MSH3: variants seen among roughly 807,000 people sequenced by gnomAD.
MSH3 encodes mutS homolog 3.
In MSH3, 106 loss-of-function variants were observed where a neutral mutation model predicts 123.3. The observed-to-expected ratio is 0.86, with a 90% confidence interval of 0.73 to 1.01. The LOEUF (loss-of-function observed/expected upper bound fraction) is 1.01. MSH3 is among the 50% of genes least tolerant of loss of function. The pLI, the probability that MSH3 is intolerant of heterozygous loss-of-function variation, is 0.00. For synonymous variants in MSH3, 515 were observed against 481.4 expected, an observed-to-expected ratio of 1.07 and a Z score of -0.91; for missense variants, 1,459 against 1,347.6, an observed-to-expected ratio of 1.08 and a Z score of -1.29.
At chr5:80,791,249 A>T (rs1017704370) in intron 18 of MSH3, among the ~76,000 whole-genome samples, 1 of 152,232 alleles carries the variant, frequency 6.6e-6, no homozygotes, top group African/African-American at 2.4e-5. Context: ...TGGTGTTGAT[A>T]AGTCAAAAAA....
At chr5:80,773,211 C>T (rs975397782) in intron 15 of MSH3, among the ~76,000 whole-genome samples, 1 of 152,142 alleles carries the variant, frequency 6.6e-6, no homozygotes, top group Non-Finnish European at 1.5e-5. Flanking sequence ...TGCTGTTTGC[C>T]TTTAGCATAG....
intron 8 of MSH3, among the ~76,000 whole-genome samples, chr5:80,705,643 C>G (rs1750704527): frequency 1.3e-5 from 2 of 152,164 alleles, no homozygotes; most frequent in Admixed American, 6.5e-5. Flanking sequence ...TTTCATAGTT[C>G]TGGAGGATAG....
intron 11 of MSH3, among the ~76,000 whole-genome samples, chr5:80,742,461 A>G (rs1254475242): frequency 6.6e-6 from 1 of 152,264 alleles, no homozygotes; most frequent in Non-Finnish European, 1.5e-5. Flanking sequence ...ACAAAGTAAT[A>G]GAGATAAAAA....
Position 80,808,867 on chromosome 5 carries a change from A to ATATATATCTATATATATATCTATATC in MSH3, c.2656-4710_2656-4709insCTATATATATATCTATATCTATATAT, listed in dbSNP as rs1219139577. Among the ~76,000 whole-genome samples, 13 of 124,250 alleles carry ATATATATCTATATATATATCTATATC rather than the reference A, an allele frequency of 1.0e-4. 1 individual carries two copies. In the South Asian group the frequency reaches 1.3e-3, roughly 12 times the overall value. 81.5% of individuals were successfully genotyped at this position (124,250 alleles called of 152,430 possible). Reference sequence around the variant, plus strand: ...GGTAATATATCTTCTTCATATATATATATATATATATATATACACAATCTA... The same window carrying ATATATATCTATATATATATCTATATC: ...GGTAATATATCTTCTTCATATATATATATATATCTATATATATATCTATATCTATATATATATATATACACAATCTA... On this transcript the variant is annotated intron_variant, in intron 19 of 23. Transcript: ENST00000265081.
At chr5:80,773,429 A>G (rs1744245951) in intron 15 of MSH3, among the ~76,000 whole-genome samples, 1 of 152,200 alleles carries the variant, frequency 6.6e-6, no homozygotes, top group South Asian at 2.1e-4. Flanking sequence ...GGCAGATTTG[A>G]AACTGTAGTA....
chr5:80,680,737 C>G (rs1749954787), intron 8 of MSH3, among the ~76,000 whole-genome samples: 1 of 152,122 alleles, frequency 6.6e-6, no homozygotes, highest in Non-Finnish European at 1.5e-5. Flanking sequence ...ACTCCCTCCC[C>G]TTTTCTCTCT....
intron 19 of MSH3, among the ~76,000 whole-genome samples, chr5:80,805,722 G>A (rs987619309): frequency 6.6e-6 from 1 of 151,154 alleles, no homozygotes; most frequent in Non-Finnish European, 1.5e-5. Context: ...AGCCTCCTGA[G>A]TAGCTGGAAC....
At chr5:80,678,832 G>A in intron 7 of MSH3, 95 bp from the exon 8 acceptor site, 1 of 1,368,280 alleles carries the variant, frequency 7.3e-7, no homozygotes, top group Non-Finnish European at 1.0e-6. Flanking sequence ...ACTCCTGAGT[G>A]TATCATCTTT....
intron 6 of MSH3, among the ~76,000 whole-genome samples, chr5:80,674,425 T>C (rs1264186275): frequency 2.6e-5 from 4 of 152,222 alleles, no homozygotes; most frequent in African/African-American, 9.7e-5. Flanking sequence ...AGGAAAATAA[T>C]TTACACCCTT....
intron 8 of MSH3, among the ~76,000 whole-genome samples, chr5:80,699,863 T>C (rs1750569710): frequency 6.6e-6 from 1 of 152,196 alleles, no homozygotes; most frequent in African/African-American, 2.4e-5. Flanking sequence ...AGATTGATAT[T>C]GATGATAACT....
At position 80,677,899 on chromosome 5, in the gene MSH3, C is replaced by T. The variant is rs149204943; in HGVS notation, c.1174-1028C>T. Reference sequence around the variant, plus strand: ...ATTCATTCCTGTTGATGGACATGTGCATTCTTTCTAGTTTACAGTTGTACA... The same window carrying T: ...ATTCATTCCTGTTGATGGACATGTGTATTCTTTCTAGTTTACAGTTGTACA... On this transcript the variant is annotated intron_variant, in intron 7 of 23. Transcript: ENST00000265081. Among the ~76,000 whole-genome samples, 5 of 152,258 alleles carry T rather than the reference C, an allele frequency of 3.3e-5. No individual in the cohort carries two copies. In the East Asian group the frequency reaches 9.6e-4, roughly 29 times the overall value.
intron 4 of MSH3, 39 bp downstream of exon 4, chr5:80,670,348 G>A: frequency 6.3e-7 from 1 of 1,580,612 alleles, no homozygotes; most frequent in South Asian, 1.1e-5. Context: ...TATTTTTCTT[G>A]TCTAGCCTTA....
Position 80,854,230 on chromosome 5 carries a change from G to A in MSH3, c.2914G>A (p.Val972Ile), listed in dbSNP as rs2112106493. ...CAGAAAAGCAACATCACAGTCCTTGGTTATCTTGGATGAACTAGGAAGAGG... is the reference window on the plus strand; with the variant it reads ...CAGAAAAGCAACATCACAGTCCTTGATTATCTTGGATGAACTAGGAAGAGG... ...IIRKATSQSL[V>I]ILDELGRGTS... The change falls in exon 21 of 24, where the codon GTT becomes ATT. Residue 972 changes from valine to isoleucine, a missense_variant. Physicochemically the swap from Val to Ile is conservative, Grantham distance 29. Transcript: ENST00000265081. 1 of 1,613,856 alleles carries A rather than the reference G, an allele frequency of 6.2e-7. No homozygotes were observed. Among genetic ancestry groups the A allele is most frequent in the Non-Finnish European group, 8.5e-7 (1 of 1,179,824 alleles).
chr5:80,875,695 G>T, intron 23 of MSH3, 56 bp from the exon 24 acceptor site: 1 of 1,007,258 alleles, frequency 9.9e-7, no homozygotes, highest in Non-Finnish European at 1.6e-6. Flanking sequence ...CTGATGAGAC[G>T]TATTGTCTCC....
intron 6 of MSH3, among the ~76,000 whole-genome samples, chr5:80,673,071 G>T (rs967606333): frequency 6.6e-6 from 1 of 152,104 alleles, no homozygotes; most frequent in Non-Finnish European, 1.5e-5. Flanking sequence ...TAGAAGGCAA[G>T]TTCATCATAC....
intron 20 of MSH3, among the ~76,000 whole-genome samples, chr5:80,829,673 T>C (rs1745385205): frequency 6.6e-6 from 1 of 152,210 alleles, no homozygotes; most frequent in African/African-American, 2.4e-5. Flanking sequence ...TCTATGTTCA[T>C]GAGAGATATT....
At chr5:80,697,229 C>G (rs990874481) in intron 8 of MSH3, among the ~76,000 whole-genome samples, 5 of 152,054 alleles carry the variant, frequency 3.3e-5, no homozygotes, top group Admixed American at 6.5e-5. Context: ...TCAGAGAGCC[C>G]AGAGGTCAGA....
chr5:80,750,474 G>A (rs1286391807), intron 12 of MSH3, among the ~76,000 whole-genome samples: 1 of 152,076 alleles, frequency 6.6e-6, no homozygotes, highest in Non-Finnish European at 1.5e-5. Context: ...GCGTTTCTCT[G>A]ATTAGAGATG....
chr5:80,783,201 T>G (rs1314852842), intron 17 of MSH3, among the ~76,000 whole-genome samples: 1 of 152,246 alleles, frequency 6.6e-6, no homozygotes, highest in African/African-American at 2.4e-5. Flanking sequence ...CTGCTTCCTA[T>G]GGACCCAGCA....
Sources: allele counts gnomAD v4.1 joint callset (sites outside exome capture counted in the v4.1 genomes callset), GRCh38; gene constraint gnomAD v4.1.1; transcripts MANE v1.5; gene names NCBI Gene and HGNC (gene_info 2026-07-23, HGNC 2026-07-21).